The following DPP10 variants were observed in gnomAD, a reference collection of about 807,000 sequenced individuals.
DPP10 encodes dipeptidyl peptidase like 10, also known as inactive dipeptidyl peptidase 10.
A neutral mutation model predicts 120.9 loss-of-function variants in DPP10; 33 were observed. That is an observed-to-expected ratio of 0.27 (90% CI 0.21 to 0.37). The LOEUF is 0.37. DPP10 is among the 10% of genes least tolerant of loss of function. The probability of loss-of-function intolerance (pLI) is 1.00; values close to 1 mark genes in which losing one functional copy is unlikely to be tolerated. For missense variants in DPP10, 816 were observed against 942.8 expected, an observed-to-expected ratio of 0.87 and a Z score of 1.76; for synonymous variants, 337 against 326.1, an observed-to-expected ratio of 1.03 and a Z score of -0.36.
At chr2:115,400,802 G>T (rs1052353514) in intron 3 of DPP10, among the ~76,000 whole-genome samples, 14 of 152,152 alleles carry the variant, frequency 9.2e-5, no homozygotes, top group Non-Finnish European at 2.1e-4. Context: ...TTCTTTCCAG[G>T]TCGCTGCCAT....
At chr2:115,550,289 C>T (rs982297768) in intron 5 of DPP10, among the ~76,000 whole-genome samples, 17 of 152,066 alleles carry the variant, frequency 1.1e-4, no homozygotes, top group Admixed American at 8.5e-4. Context: ...ACATGGCATG[C>T]GTATCATCCA....
chr2:115,772,429 A>G (rs1206168301), intron 13 of DPP10, among the ~76,000 whole-genome samples: 1 of 152,186 alleles, frequency 6.6e-6, no homozygotes, highest in African/African-American at 2.4e-5. Flanking sequence ...TTTCCAGATC[A>G]CTTTCAGTAT....
At chr2:114,858,577 T>C (rs1689550911) in intron 1 of DPP10, among the ~76,000 whole-genome samples, 1 of 152,286 alleles carries the variant, frequency 6.6e-6, no homozygotes, top group Non-Finnish European at 1.5e-5. Flanking sequence ...TTTGTAAAAA[T>C]GGCAATATTC....
chr2:114,795,439 C>T (rs914783718), intron 1 of DPP10, among the ~76,000 whole-genome samples: 2 of 151,610 alleles, frequency 1.3e-5, no homozygotes, highest in African/African-American at 4.8e-5. Flanking sequence ...TTCAGTGAGC[C>T]GAGATTGTGC....
chr2:114,666,795 G>A (rs1049918328), intron 1 of DPP10, among the ~76,000 whole-genome samples: 3 of 152,134 alleles, frequency 2.0e-5, no homozygotes, highest in Admixed American at 6.6e-5. Context: ...TAGGAATGAT[G>A]ACCTGGTCTC....
intron 1 of DPP10, among the ~76,000 whole-genome samples, chr2:115,199,562 G>A (rs369030012): frequency 6.6e-6 from 1 of 151,924 alleles, no homozygotes; most frequent in Non-Finnish European, 1.5e-5. Flanking sequence ...CGTTTTGACC[G>A]CAAAGAACAA....
chr2:114,721,806 A>C (rs545037639), intron 1 of DPP10, among the ~76,000 whole-genome samples: 2 of 152,354 alleles, frequency 1.3e-5, no homozygotes, highest in South Asian at 4.1e-4. Context: ...AGGTTAGAAA[A>C]TAATAGCTGG....
intron 3 of DPP10, among the ~76,000 whole-genome samples, 171 bp downstream of exon 3, chr2:115,344,083 C>T (rs1262208655): frequency 6.7e-6 from 1 of 148,968 alleles, no homozygotes; most frequent in Admixed American, 6.7e-5. Flanking sequence ...TCGCAGTGAG[C>T]CGAGATCGCA....
At chr2:115,565,590 TTA>T (rs750506986) in intron 5 of DPP10, among the ~76,000 whole-genome samples, 10 of 152,268 alleles carry the variant, frequency 6.6e-5, no homozygotes, top group Non-Finnish European at 1.2e-4. Flanking sequence ...CACAGTACTT[TTA>T]TATGGCATGT....
intron 13 of DPP10, among the ~76,000 whole-genome samples, chr2:115,772,296 T>C (rs1455954594): frequency 6.6e-6 from 1 of 152,174 alleles, no homozygotes; most frequent in East Asian, 1.9e-4. Flanking sequence ...GGCAATTTGT[T>C]GTAATGATAG....
chr2:115,783,353 A>G (rs1682987000), intron 17 of DPP10, among the ~76,000 whole-genome samples: 1 of 152,156 alleles, frequency 6.6e-6, no homozygotes, highest in African/African-American at 2.4e-5. Flanking sequence ...ATAATTCACT[A>G]CAATATAATA....
At chr2:115,296,132 C>G (rs892357564) in intron 1 of DPP10, among the ~76,000 whole-genome samples, 21 of 152,146 alleles carry the variant, frequency 1.4e-4, no homozygotes, top group South Asian at 8.3e-4. Flanking sequence ...GGCACTTGCT[C>G]TGGAGGCAGG....
At position 115,755,648 on chromosome 2, in the gene DPP10, G is replaced by T. The variant is rs982273640; in HGVS notation, c.1074+2351G>T. On this transcript the variant is annotated intron_variant, in intron 11 of 25. Transcript: ENST00000410059. ...ACTTCAAAAGCACAGACAACAAAAA[G>T]AAATGTAAATTGGTACTGCTATTAT... Among the ~76,000 whole-genome samples the T allele has an allele frequency of 2.6e-5, 4 of 152,078 alleles. No individual in the cohort carries two copies. In the South Asian group the frequency reaches 8.3e-4, roughly 31 times the overall value.
At chr2:115,099,701 A>G (rs748733724) in intron 1 of DPP10, among the ~76,000 whole-genome samples, 3 of 152,184 alleles carry the variant, frequency 2.0e-5, no homozygotes, top group South Asian at 2.1e-4. Flanking sequence ...CTCATACACA[A>G]TGGTCCCTCA....
chr2:115,573,581 CTTTT>C lies in DPP10; in HGVS notation c.441+47630_441+47633del, dbSNP rs767336910. Among the ~76,000 whole-genome samples, 104 of 70,256 alleles carry C rather than the reference CTTTT, an allele frequency of 1.5e-3. No homozygotes were observed. In the South Asian group the frequency reaches 0.016, roughly 11 times the overall value. 46.1% of individuals were successfully genotyped at this position (70,256 alleles called of 152,430 possible). A position where few individuals can be genotyped will look rare whatever the true frequency, so the allele number is the denominator to read the frequency against. On this transcript the variant is annotated intron_variant, in intron 5 of 25. Coordinates refer to ENST00000410059, the MANE Select transcript of DPP10 (RefSeq NM_020868.6). ...ACAGGCGTGAGCCACTGCGCCCGGCCTTTTTTTTTTTTTTTTTTTTTTTTGAGAC... is the reference window on the plus strand; with the variant it reads ...ACAGGCGTGAGCCACTGCGCCCGGCCTTTTTTTTTTTTTTTTTTTTGAGAC...
rs368474028 is a variant in DPP10, at chr2:115,678,726, G to A, written c.442-10961G>A. Among the ~76,000 whole-genome samples, 32 of 152,250 alleles carry A rather than the reference G, an allele frequency of 2.1e-4. No homozygotes were observed. In the East Asian group the frequency reaches 2.5e-3, roughly 12 times the overall value. The stretch of plus-strand genomic sequence containing the variant: ...GTTACATCCACTGACAGCTTGCACC[G>A]TGCACCTGGAAAAGCTGCAGGCACT... On this transcript the variant is annotated intron_variant, in intron 5 of 25. Transcript: ENST00000410059.
At chr2:115,119,100 A>T (rs564202667) in intron 1 of DPP10, among the ~76,000 whole-genome samples, 4 of 152,176 alleles carry the variant, frequency 2.6e-5, no homozygotes, top group African/African-American at 9.6e-5. Flanking sequence ...TTCTCCCTTG[A>T]TTCTTCCCTT....
At chr2:115,382,299 AG>A (rs982369626) in intron 3 of DPP10, among the ~76,000 whole-genome samples, 20 of 152,064 alleles carry the variant, frequency 1.3e-4, no homozygotes, top group Admixed American at 1.1e-3. Context: ...GTGCAGTATT[AG>A]GGTGGGAGTG....
rs189409769 is a variant in DPP10 at position 115,590,624 on chromosome 2, A to G, written c.441+64652A>G. The stretch of plus-strand genomic sequence containing the variant: ...GCTATTGCAAATAGTGCCACAATAA[A>G]CATACGTGTGAATGTGTCTTTATAG... On this transcript the variant is annotated intron_variant, in intron 5 of 25. Transcript: ENST00000410059. 1.5e-3 allele frequency among the ~76,000 whole-genome samples: 227 copies of G among 152,312 alleles called. 1 individual carries two copies. The highest frequency in any genetic ancestry group is 4.7e-3 in the African/African-American group (197 of 41,582).
Sources: gnomAD v4.1 joint callset for allele counts (sites outside exome capture counted in the v4.1 genomes callset) on GRCh38, gnomAD v4.1.1 for gene constraint, MANE v1.5 for transcripts, NCBI Gene and HGNC (gene_info 2026-07-23, HGNC 2026-07-21) for gene names.